FURIN: variants seen among roughly 807,000 people sequenced by gnomAD.
The protein encoded by FURIN is FES upstream region.
A neutral mutation model predicts 89.2 loss-of-function variants in FURIN; 18 were observed. That is an observed-to-expected ratio of 0.20 (90% CI 0.14 to 0.30). The LOEUF (loss-of-function observed/expected upper bound fraction) is 0.30. Among genes scored for constraint, FURIN ranks in the 10% least tolerant of loss-of-function variants. FURIN has a pLI of 1.00. For missense variants in FURIN, 879 were observed against 1,100.5 expected (o/e 0.80, Z 2.85); for synonymous variants, 508 against 466.4 (o/e 1.09, Z -1.15).
In FURIN at chr15:90,881,268, T is replaced by C. The variant is rs1263828617; in HGVS notation, c.1793-18T>C. 1 of 1,560,394 alleles carries C rather than the reference T, an allele frequency of 6.4e-7. No individual in the cohort carries two copies. The highest frequency in any genetic ancestry group is 8.7e-7 in the Non-Finnish European group (1 of 1,143,998). ...CTGTTTAGCTGACACACACTTGCCC[T>C]CTCTCCCACGCCGGCAGTGTGCGAG... On this transcript the variant is annotated intron_variant, in intron 15 of 15. Transcript: ENST00000268171. The surrounding 1 kb of genome is among the most constrained non-coding windows in gnomAD (Gnocchi z 4.3).
At position 90,880,133 on chromosome 15, in the gene FURIN, C is replaced by G; in HGVS notation, c.1416C>G (p.Thr472=). 7 of 1,609,732 alleles carry G rather than the reference C, an allele frequency of 4.3e-6. No homozygotes were observed. The highest frequency in any genetic ancestry group is 5.9e-6 in the Non-Finnish European group (7 of 1,177,586). Residue 472 remains threonine, a synonymous_variant, in exon 13 of 16, where the codon ACC becomes ACG. Transcript: ENST00000268171. The part of the protein sequence containing the change: ...GKRLEVRKTV[T]ACLGEPNHIT... ...GGCTCGAGGTGCGGAAGACCGTGAC[C>G]GCGTGCCTGGGCGAGCCCAACCACA...
Position 90,875,603 on chromosome 15 carries a change from C to T in FURIN, c.-138C>T, listed in dbSNP as rs749778191. On this transcript the variant is annotated 5_prime_UTR_variant, in exon 2 of 16. Coordinates refer to ENST00000268171, the MANE Select transcript of FURIN (RefSeq NM_002569.4). ...TCAGGGTCGGCACTCTTCACCCTCC[C>T]GAGCCCTGCCCGTCTCGGCCCCATG... The T allele has an allele frequency of 2.6e-5, 18 of 695,470 alleles. No homozygotes were observed. The highest frequency in any genetic ancestry group is 3.6e-5 in the African/African-American group (2 of 55,074). 43.1% of individuals were successfully genotyped at this position (695,470 alleles called of 1,614,324 possible).
Position 90,875,769 on chromosome 15 carries a change from T to G in FURIN, c.29T>G (p.Val10Gly). The G allele has an allele frequency of 6.4e-7, 1 of 1,553,742 alleles. No individual in the cohort carries two copies. The highest frequency in any genetic ancestry group is 8.7e-7 in the Non-Finnish European group (1 of 1,147,906). The stretch of plus-strand genomic sequence containing the variant: ...GAGCTGAGGCCCTGGTTGCTATGGG[T>G]GGTAGCAGCAACAGGAACCTTGGTC... MELRPWLLW[V>G]VAATGTLVLL... Residue 10 changes from valine to glycine, a missense_variant, in exon 2 of 16, where the codon GTG becomes GGG. Physicochemically the swap from Val to Gly is moderately radical, Grantham distance 109. Transcript: ENST00000268171.
intron 9 of FURIN, 91 bp from the exon 10 acceptor site, chr15:90,879,353 C>T (rs1033731649): frequency 1.1e-4 from 107 of 957,886 alleles, no homozygotes; most frequent in Non-Finnish European, 1.8e-4. Context: ...TCTGTGGTGC[C>T]CAGGGCCTGT....
At chr15:90,870,709 C>T (rs2031244526) in intron 1 of FURIN, among the ~76,000 whole-genome samples, 1 of 152,182 alleles carries the variant, frequency 6.6e-6, no homozygotes. Flanking sequence ...GGAGAGGCTC[C>T]GGCTGGTATA....
In FURIN at chr15:90,880,248, A is replaced by G; in HGVS notation, c.1531A>G (p.Thr511Ala). Reference sequence around the variant, plus strand: ...CATCCACCTGGTCAGCCCCATGGGCACCCGCTCCACCCTGCTGGCAGCCAG... The same window carrying G: ...CATCCACCTGGTCAGCCCCATGGGCGCCCGCTCCACCCTGCTGGCAGCCAG... ...LAIHLVSPMG[T>A]RSTLLAARPH... Residue 511 changes from threonine to alanine, a missense_variant, in exon 13 of 16, where the codon ACC becomes GCC. Physicochemically the swap from Thr to Ala is moderately conservative, Grantham distance 58. Around this residue, in one of 5 missense-constraint regions of FURIN, gnomAD observed 457 missense variants for 490.7 expected, o/e 0.93. Transcript: ENST00000268171. 6.2e-7 allele frequency: 1 copy of G among 1,607,866 alleles called. No homozygotes were observed. Among genetic ancestry groups the G allele is most frequent in the Non-Finnish European group, 8.5e-7 (1 of 1,176,808 alleles).
rs2151222361 is a variant in FURIN, at chr15:90,875,751, G to A, written c.11G>A (p.Arg4Lys). The part of the protein sequence containing the change: MEL[R>K]PWLLWVVAAT... ...CCACCTGTCCCCCCCATGGAGCTGA[G>A]GCCCTGGTTGCTATGGGTGGTAGCA... Residue 4 changes from arginine (R) to lysine (K), a missense_variant, in exon 2 of 16, where the codon AGG becomes AAG. By Grantham distance (26) the Arg-to-Lys change is conservative (BLOSUM62 2). This residue lies in a region of FURIN where 125 missense variants were observed against 125.0 expected (regional missense o/e 1.00). Transcript: ENST00000268171. 1.3e-6 allele frequency: 2 copies of A among 1,547,694 alleles called. No individual in the cohort carries two copies. Among genetic ancestry groups the A allele is most frequent in the East Asian group, 4.8e-5 (2 of 41,284 alleles).
chr15:90,870,977 A>G (rs2031256656), intron 1 of FURIN, among the ~76,000 whole-genome samples: 1 of 152,224 alleles, frequency 6.6e-6, no homozygotes, highest in South Asian at 2.1e-4. Flanking sequence ...AGCTAAAAAT[A>G]TTAAAAGGAG....
In FURIN at chr15:90,878,685, C is replaced by T. The variant is rs567050288; in HGVS notation, c.841-79C>T. 8.5e-6 allele frequency: 7 copies of T among 821,510 alleles called. No individual in the cohort carries two copies. In the South Asian group the frequency reaches 1.1e-4, roughly 13 times the overall value. The allele number at this position is 821,510 out of a possible 1,614,324, so 50.9% of individuals were successfully genotyped here. ...CCCAGAGAATGAGGCTCCAGCCTTCCCAGTTTTCCAGCAGTGTCCTCCTGC... is the reference window on the plus strand; with the variant it reads ...CCCAGAGAATGAGGCTCCAGCCTTCTCAGTTTTCCAGCAGTGTCCTCCTGC... On this transcript the variant is annotated intron_variant, in intron 8 of 15. Coordinates refer to ENST00000268171, the MANE Select transcript of FURIN (RefSeq NM_002569.4).
intron 1 of FURIN, 150 bp downstream of exon 1, chr15:90,868,861 G>A (rs1223457434): frequency 6.6e-6 from 1 of 152,194 alleles, no homozygotes; most frequent in Non-Finnish European, 1.5e-5. Flanking sequence ...AACACCAATG[G>A]AATTTTGTTG....
Position 90,880,681 on chromosome 15 carries a change from C to A in FURIN, c.1557-10C>A. 6.2e-7 allele frequency: 1 copy of A among 1,609,688 alleles called. No homozygotes were observed. The highest frequency in any genetic ancestry group is 8.5e-7 in the Non-Finnish European group (1 of 1,177,562). On this transcript the variant is annotated splice_polypyrimidine_tract_variant and intron_variant, in intron 13 of 15. Coordinates refer to ENST00000268171, the MANE Select transcript of FURIN (RefSeq NM_002569.4). ...AGAGGCCTCAGGGCTGTGTGCACTC[C>A]CCTCCCCAGGCCACATGACTACTCC...
chr15:90,873,183 G>A (rs1386405346), intron 1 of FURIN: 2 of 152,174 alleles, frequency 1.3e-5, no homozygotes, highest in Admixed American at 1.3e-4. Flanking sequence ...ATCCTCCCTT[G>A]TCCCACATGC....
intron 1 of FURIN, chr15:90,871,563 G>GAGC (rs1206982830): frequency 1.8e-4 from 26 of 147,958 alleles, no homozygotes; most frequent in South Asian, 6.2e-4. Context: ...CCGAGCCGCC[G>GAGC]CGGCGGTCGC....
At position 90,876,268 on chromosome 15, in the gene FURIN, A is replaced by G. The variant is rs140458322; in HGVS notation, c.191A>G (p.Tyr64Cys). 9 of 1,607,740 alleles carry G rather than the reference A, an allele frequency of 5.6e-6. No individual in the cohort carries two copies. The highest frequency in any genetic ancestry group is 4.5e-5 in the East Asian group (2 of 44,882). Residue 64 changes from tyrosine to cysteine, a missense_variant, in exon 3 of 16, where the codon TAT becomes TGT. Around this residue, in one of 5 missense-constraint regions of FURIN, gnomAD observed 125 missense variants for 125.0 expected, o/e 1.00. Transcript: ENST00000268171. This position sits in a 1 kb window ranked among gnomAD's most constrained non-coding sequence, Gnocchi z 5.0. ...FLNLGQIFGDYYHFWHRGVTK... is the reference protein window; with the variant it reads ...FLNLGQIFGDCYHFWHRGVTK... ...GCTCTATTGCAGATCTTCGGGGACT[A>G]TTACCACTTCTGGCATCGAGGAGTG...
In FURIN at chr15:90,875,872, G is replaced by A. The variant is rs1179945074; in HGVS notation, c.132G>A (p.Val44=). 1.9e-6 allele frequency: 3 copies of A among 1,588,780 alleles called. No individual in the cohort carries two copies. Among genetic ancestry groups the A allele is most frequent in the Non-Finnish European group, 2.6e-6 (3 of 1,168,674 alleles). The change falls in exon 2 of 16, where the codon GTG becomes GTA. Residue 44 remains valine (V), a synonymous_variant. Coordinates refer to ENST00000268171, the MANE Select transcript of FURIN (RefSeq NM_002569.4). ...TGCGCATCCCTGGAGGCCCAGCGGT[G>A]GCCAACAGTGTGGCACGGAAGCATG... The part of the protein sequence containing the change: ...WAVRIPGGPA[V]ANSVARKHGF...
In FURIN at chr15:90,879,497, C is replaced by G; in HGVS notation, c.1107C>G (p.Ala369=). The change falls in exon 10 of 16, where the codon GCC becomes GCG. Residue 369 remains alanine (A), a synonymous_variant. Transcript: ENST00000268171. ...KCTESHTGTS[A]SAPLAAGIIA... Reference sequence around the variant, plus strand: ...CGGAGTCTCACACGGGCACCTCAGCCTCTGCCCCCTTAGCAGCCGGCATCA... The same window carrying G: ...CGGAGTCTCACACGGGCACCTCAGCGTCTGCCCCCTTAGCAGCCGGCATCA... 3 of 1,613,598 alleles carry G rather than the reference C, an allele frequency of 1.9e-6. No individual in the cohort carries two copies. The highest frequency in any genetic ancestry group is 2.5e-6 in the Non-Finnish European group (3 of 1,179,716).
chr15:90,880,639 CT>C (rs2031907466), intron 13 of FURIN, 51 bp from the exon 14 acceptor site: 8 of 1,566,712 alleles, frequency 5.1e-6, no homozygotes, highest in Non-Finnish European at 6.9e-6. Flanking sequence ...TTAGATGTCC[CT>C]GGCTTGGGGT....
Position 90,876,593 on chromosome 15 carries a change from C to A in FURIN, c.372+36C>A. 1 of 1,312,118 alleles carries A rather than the reference C, an allele frequency of 7.6e-7. No individual in the cohort carries two copies. The highest frequency in any genetic ancestry group is 2.3e-5 in the East Asian group (1 of 43,104). The allele number at this position is 1,312,118 out of a possible 1,614,324, so 81.3% of individuals were successfully genotyped here. On this transcript the variant is annotated intron_variant, in intron 4 of 15. Coordinates refer to ENST00000268171, the MANE Select transcript of FURIN (RefSeq NM_002569.4). This position sits in a 1 kb window ranked among gnomAD's most constrained non-coding sequence, Gnocchi z 5.0. The stretch of plus-strand genomic sequence containing the variant: ...TTCTTCGCTGCTGGGACCTCCTCCC[C>A]AGATGCACCATCCACCCACTATGAG...
chr15:90,875,696 G>C lies in FURIN; in HGVS notation c.-45G>C. On this transcript the variant is annotated 5_prime_UTR_variant, in exon 2 of 16. Coordinates refer to ENST00000268171, the MANE Select transcript of FURIN (RefSeq NM_002569.4). ...CTGGGAGCCGAGGCCCTGTGACCAG[G>C]CCAAGGAGACGGGCGCTCCAGGGTC... 6.7e-7 allele frequency: 1 copy of C among 1,484,924 alleles called. No individual in the cohort carries two copies. The highest frequency in any genetic ancestry group is 1.3e-5 in the South Asian group (1 of 74,814). 92.0% of individuals were successfully genotyped at this position (1,484,924 alleles called of 1,614,324 possible). A position where few individuals can be genotyped will look rare whatever the true frequency, so the allele number is the denominator to read the frequency against.
Sources: gnomAD v4.1 joint callset for allele counts (sites outside exome capture counted in the v4.1 genomes callset) on GRCh38, gnomAD v4.1.1 for gene constraint, gnomAD v4.1.1 regional missense constraint, Gnocchi (gnomAD v3.1) non-coding constraint, MANE v1.5 for transcripts, NCBI Gene and HGNC (gene_info 2026-07-23, HGNC 2026-07-21) for gene names.